Variants in FARSB observed in about 807,000 individuals in gnomAD.
FARSB encodes the protein phenylalanyl-tRNA synthetase subunit beta.
Under a neutral mutation model 69.6 loss-of-function variants are expected in FARSB, and 40 were observed. The ratio of observed to expected loss-of-function variants is 0.57; its 90% CI spans 0.45 to 0.75. The LOEUF (loss-of-function observed/expected upper bound fraction) is 0.75. FARSB is among the 30% of genes least tolerant of loss of function. The pLI, the probability that FARSB is intolerant of heterozygous loss-of-function variation, is 0.00. For synonymous variants in FARSB, 235 were observed against 247.2 expected, an observed-to-expected ratio of 0.95 and a Z score of 0.46; for missense variants, 632 against 722.9, an observed-to-expected ratio of 0.87 and a Z score of 1.44.
chr2:222,595,658 T>G (rs1226487271), intron 16 of FARSB, among the ~76,000 whole-genome samples: 1 of 151,812 alleles, frequency 6.6e-6, no homozygotes, highest in African/African-American at 2.4e-5. Context: ...AAAACTGAAA[T>G]AGGTAACAAG....
intron 16 of FARSB, among the ~76,000 whole-genome samples, chr2:222,589,851 A>G (rs1690216382): frequency 6.6e-6 from 1 of 152,218 alleles, no homozygotes; most frequent in East Asian, 1.9e-4. Flanking sequence ...CAATCATTAA[A>G]AAGTCAGGAA....
intron 5 of FARSB, among the ~76,000 whole-genome samples, chr2:222,637,351 G>A (rs1691609711): frequency 6.6e-6 from 1 of 152,178 alleles, no homozygotes; most frequent in Admixed American, 6.5e-5. Flanking sequence ...AGAGTTTGGG[G>A]AGGCCAAGGT....
intron 16 of FARSB, among the ~76,000 whole-genome samples, chr2:222,574,170 T>A (rs900462829): frequency 2.0e-5 from 3 of 152,010 alleles, no homozygotes; most frequent in African/African-American, 7.3e-5. Flanking sequence ...CTTTTTTTTT[T>A]AGCAAAATTC....
At position 222,571,657 on chromosome 2, in the gene FARSB, A is replaced by T; in HGVS notation, c.*214T>A. 2.1e-6 allele frequency: 1 copy of T among 472,720 alleles called. No homozygotes were observed. The allele number at this position is 472,720 out of a possible 1,614,324, so 29.3% of individuals were successfully genotyped here. A position where few individuals can be genotyped will look rare whatever the true frequency, so the allele number is the denominator to read the frequency against. On this transcript the variant is annotated 3_prime_UTR_variant, in exon 17 of 17. Coordinates refer to ENST00000281828, the MANE Select transcript of FARSB (RefSeq NM_005687.5). ...CACTCCACGGGGCTTTTACCCAACA[A>T]TGCAGCTTCACACACAGACACCACA...
intron 16 of FARSB, among the ~76,000 whole-genome samples, chr2:222,581,609 C>T (rs191553596): frequency 3.1e-4 from 47 of 152,170 alleles, no homozygotes; most frequent in African/African-American, 1.1e-3. Flanking sequence ...TTCTAATTTC[C>T]TAGATAAACC....
chr2:222,607,751 AAG>A (rs1690740579), intron 15 of FARSB, among the ~76,000 whole-genome samples: 7 of 152,090 alleles, frequency 4.6e-5, no homozygotes, highest in African/African-American at 9.7e-5. Context: ...TTTTTTTAAA[AAG>A]AAATAAAGCT....
intron 4 of FARSB, among the ~76,000 whole-genome samples, chr2:222,640,108 T>C (rs75316999): frequency 0.04 from 6,058 of 152,216 alleles, 179 homozygotes; most frequent in African/African-American, 0.08. Context: ...TTTTCATTCC[T>C]AGGTTAAAAA....
At chr2:222,631,252 T>C (rs2106226542) in intron 8 of FARSB, among the ~76,000 whole-genome samples, 1 of 152,114 alleles carries the variant, frequency 6.6e-6, no homozygotes, top group East Asian at 1.9e-4. Flanking sequence ...TTAAGTCAAC[T>C]AGATAAACAA....
At chr2:222,620,654 A>C (rs1431559903) in intron 13 of FARSB, among the ~76,000 whole-genome samples, 1 of 152,266 alleles carries the variant, frequency 6.6e-6, no homozygotes, top group Admixed American at 6.5e-5. Context: ...AATCATTACT[A>C]AGGATAAATT....
intron 16 of FARSB, among the ~76,000 whole-genome samples, chr2:222,586,729 CT>C (rs1690124247): frequency 6.6e-6 from 1 of 152,100 alleles, no homozygotes; most frequent in African/African-American, 2.4e-5. Flanking sequence ...ATAAAACAGA[CT>C]TTAAACCAAA....
chr2:222,570,382 AGT>A lies in FARSB; in HGVS notation c.*1487_*1488del, dbSNP rs760815886. Among the ~76,000 whole-genome samples, 2 of 152,222 alleles carry A rather than the reference AGT, an allele frequency of 1.3e-5. No individual in the cohort carries two copies. Among genetic ancestry groups the A allele is most frequent in the Non-Finnish European group, 1.5e-5 (1 of 68,040 alleles). On this transcript the variant is annotated 3_prime_UTR_variant, in exon 17 of 17. Transcript: ENST00000281828. ...ACAGAGCTGTGAAGGGTCAGCTGGAAGTGTGTGTGTTCACAAATCTTACAGAG... is the reference window on the plus strand; with the variant it reads ...ACAGAGCTGTGAAGGGTCAGCTGGAAGTGTGTGTTCACAAATCTTACAGAG...
intron 10 of FARSB, among the ~76,000 whole-genome samples, chr2:222,625,979 G>A (rs1484973743): frequency 1.3e-5 from 2 of 152,174 alleles, no homozygotes; most frequent in Non-Finnish European, 2.9e-5. Context: ...GGGCGTGGTG[G>A]CTCACGCCTG....
chr2:222,624,211 C>T, intron 12 of FARSB, 61 bp downstream of exon 12: 1 of 1,115,972 alleles, frequency 9.0e-7, no homozygotes, highest in Non-Finnish European at 1.4e-6. Context: ...TCGAAGCCTT[C>T]CTGGCATTAA....
chr2:222,597,867 T>A lies in FARSB; in HGVS notation c.1618+2061A>T, dbSNP rs1325567156. 2.0e-5 allele frequency among the ~76,000 whole-genome samples: 3 copies of A among 152,268 alleles called. No individual in the cohort carries two copies. The East Asian group carries it at 5.8e-4, about 29-fold the overall frequency. On this transcript the variant is annotated intron_variant, in intron 16 of 16. Coordinates refer to ENST00000281828, the MANE Select transcript of FARSB (RefSeq NM_005687.5). ...ATCCTTTTAAAGTACAGATCTAATA[T>A]CACCTACCTGCTTTAAAAGAAGAAA... is the stretch of plus-strand genomic sequence containing the variant.
chr2:222,630,761 C>G (rs144201458), intron 8 of FARSB, among the ~76,000 whole-genome samples: 2 of 152,064 alleles, frequency 1.3e-5, no homozygotes, highest in African/African-American at 4.8e-5. Context: ...CCTATATATA[C>G]AGGCTTCAGG....
At chr2:222,620,630 G>A (rs577301628) in intron 13 of FARSB, among the ~76,000 whole-genome samples, 32 of 152,290 alleles carry the variant, frequency 2.1e-4, no homozygotes, top group Middle Eastern at 3.4e-3. Flanking sequence ...TACCAACAAT[G>A]ATGATAACTG....
rs567330167 is a variant in FARSB at position 222,653,330 on chromosome 2, A to T, written c.58+2686T>A. ...GACTGGTAGAAACAATGGAATTTCAAATAGAAAGCAACCCTTGGAGGGACT... is the reference window on the plus strand; with the variant it reads ...GACTGGTAGAAACAATGGAATTTCATATAGAAAGCAACCCTTGGAGGGACT... On this transcript the variant is annotated intron_variant, in intron 1 of 16. Transcript: ENST00000281828. 3.3e-5 allele frequency among the ~76,000 whole-genome samples: 5 copies of T among 152,014 alleles called. No individual in the cohort carries two copies. In the East Asian group the frequency reaches 7.7e-4, roughly 23 times the overall value.
At chr2:222,653,396 T>C (rs1466821455) in intron 1 of FARSB, among the ~76,000 whole-genome samples, 2 of 150,412 alleles carry the variant, frequency 1.3e-5, no homozygotes, top group Non-Finnish European at 2.9e-5. Flanking sequence ...GAATGAGACA[T>C]TATCTGAAAA....
chr2:222,582,373 AAC>A (rs918025638), intron 16 of FARSB, among the ~76,000 whole-genome samples: 7 of 151,992 alleles, frequency 4.6e-5, no homozygotes, highest in Non-Finnish European at 8.8e-5. Context: ...AGAGAATATG[AAC>A]ACACACACAC....
Sources: allele counts gnomAD v4.1 joint callset (sites outside exome capture counted in the v4.1 genomes callset), GRCh38; gene constraint gnomAD v4.1.1; transcripts MANE v1.5; gene names NCBI Gene and HGNC (gene_info 2026-07-23, HGNC 2026-07-21).